CMTM4: variants seen among roughly 807,000 people sequenced by gnomAD.
CMTM4 encodes the protein CKLF-like MARVEL transmembrane domain-containing protein 4.
In CMTM4, 8 loss-of-function variants were observed where a neutral mutation model predicts 19.0. The ratio of observed to expected loss-of-function variants is 0.42; its 90% CI spans 0.25 to 0.76. The LOEUF (loss-of-function observed/expected upper bound fraction) is 0.76, where lower values mean the gene tolerates loss of function less well. Among genes scored for constraint, CMTM4 ranks in the 30% least tolerant of loss-of-function variants. CMTM4 has a pLI of 0.27. For missense variants in CMTM4, 228 were observed against 290.2 expected (o/e 0.79, Z 1.56); for synonymous variants, 106 against 121.1 (o/e 0.88, Z 0.82).
At chr16:66,673,733 T>C (rs987374722) in intron 1 of CMTM4, among the ~76,000 whole-genome samples, 1 of 152,224 alleles carries the variant, frequency 6.6e-6, no homozygotes, top group African/African-American at 2.4e-5. Flanking sequence ...AACACAGTAT[T>C]TTCCTCAGCC....
At chr16:66,683,146 T>TATATATATAC (rs1341520062) in intron 1 of CMTM4, among the ~76,000 whole-genome samples, 1 of 123,760 alleles carries the variant, frequency 8.1e-6, no homozygotes, top group African/African-American at 3.1e-5. Flanking sequence ...TATATATATA[T>TATATATATAC]GTATATATAT....
chr16:66,634,971 G>A (rs1405786387), intron 2 of CMTM4, among the ~76,000 whole-genome samples: 1 of 152,102 alleles, frequency 6.6e-6, no homozygotes, highest in East Asian at 1.9e-4. Flanking sequence ...CTCCCGCAGG[G>A]TTTCACAGCC....
At chr16:66,635,797 G>C (rs540852036) in intron 2 of CMTM4, among the ~76,000 whole-genome samples, 56 of 152,248 alleles carry the variant, frequency 3.7e-4, no homozygotes, top group African/African-American at 1.2e-3. Context: ...GCACAGTAAG[G>C]ACACAGTCTA....
At position 66,623,486 on chromosome 16, in the gene CMTM4, CCA is replaced by C; in HGVS notation, c.378_379del (p.Gly127ThrfsTer19). 6.2e-7 allele frequency: 1 copy of C among 1,611,008 alleles called. No individual in the cohort carries two copies. Among genetic ancestry groups the C allele is most frequent in the Non-Finnish European group, 8.5e-7 (1 of 1,178,446 alleles). On this transcript the variant is annotated frameshift_variant, in exon 3 of 4. Transcript: ENST00000394106. LOFTEE classifies it high-confidence loss of function. ...AATAAAGAAAAGGAAAGCGCTGAGTCCAGTGTTGACCAAATCCTAAAGGGAGA... is the reference window on the plus strand; with the variant it reads ...AATAAAGAAAAGGAAAGCGCTGAGTCGTGTTGACCAAATCCTAAAGGGAGA...
downstream of CMTM4, chr16:66,612,687 G>C: frequency 6.3e-7 from 1 of 1,593,900 alleles, no homozygotes; most frequent in Non-Finnish European, 8.6e-7. This position sits in a 1 kb window ranked among gnomAD's most constrained non-coding sequence, Gnocchi z 6.0. Flanking sequence ...CTCCACCCCT[G>C]CGCCTCACAG....
chr16:66,611,596 G>A (rs1448181364), downstream of CMTM4, among the ~76,000 whole-genome samples: 1 of 152,164 alleles, frequency 6.6e-6, no homozygotes, highest in Non-Finnish European at 1.5e-5. Context: ...AGCTCATGGG[G>A]ACTGACTGGG....
Position 66,619,553 on chromosome 16 carries a change from A to G in CMTM4, c.*2505T>C. ...CTTCAATTTGCCAAGAGGTCATTTT[A>G]AGGCCCCCAGATATCGATTGTCTTC... On this transcript the variant is annotated 3_prime_UTR_variant, in exon 4 of 4. Coordinates refer to ENST00000394106, the MANE Select transcript of CMTM4 (RefSeq NM_181521.3). 1.0e-6 allele frequency: 1 copy of G among 985,414 alleles called. No individual in the cohort carries two copies. The highest frequency in any genetic ancestry group is 1.7e-5 in the African/African-American group (1 of 57,350). 61.0% of individuals were successfully genotyped at this position (985,414 alleles called of 1,614,324 possible).
At chr16:66,691,841 T>C (rs530358165) in intron 1 of CMTM4, among the ~76,000 whole-genome samples, 35 of 152,266 alleles carry the variant, frequency 2.3e-4, no homozygotes, top group Non-Finnish European at 4.7e-4. Flanking sequence ...CTATCTTTAA[T>C]TCAAACACAT....
downstream of CMTM4, chr16:66,613,125 C>T (rs1027804555): frequency 1.4e-5 from 10 of 702,902 alleles, 1 homozygote; most frequent in South Asian, 1.3e-4. Flanking sequence ...TGACAATGAC[C>T]CTTCCAAGAA....
chr16:66,690,011 C>CA (rs1014393720), intron 1 of CMTM4, among the ~76,000 whole-genome samples: 23 of 152,002 alleles, frequency 1.5e-4, no homozygotes, highest in African/African-American at 5.3e-4. Flanking sequence ...TTTTAATCAT[C>CA]AAAAAAACTT....
Position 66,623,406 on chromosome 16 carries a change from C to T in CMTM4, c.460G>A (p.Val154Met), listed in dbSNP as rs374543889. The T allele has an allele frequency of 7.3e-5, 118 of 1,611,596 alleles. No individual in the cohort carries two copies. The highest frequency in any genetic ancestry group is 5.5e-4 in the African/African-American group (41 of 74,832). ...NHRAGAEIAA[V>M]IFGFLATAAY... ...TTTAACCATTTGAGTTTGCTTACCACGGCAGCAATTTCTGCTCCGGCTCTA... is the reference window on the plus strand; with the variant it reads ...TTTAACCATTTGAGTTTGCTTACCATGGCAGCAATTTCTGCTCCGGCTCTA... The change falls in exon 3 of 4, where the codon GTG (valine) becomes ATG (methionine). Residue 154 changes from valine to methionine, a missense_variant and splice_region_variant. This residue lies in a region of CMTM4 where 200 missense variants were observed against 226.6 expected (regional missense o/e 0.88). Transcript: ENST00000394106.
intron 1 of CMTM4, among the ~76,000 whole-genome samples, chr16:66,651,071 G>A (rs1311538892): frequency 6.6e-6 from 1 of 152,204 alleles, no homozygotes; most frequent in East Asian, 1.9e-4. Context: ...AAAAAGGCTA[G>A]TTGTTAACGG....
Position 66,623,323 on chromosome 16 carries a change from G to A in CMTM4, c.462+81C>T, listed in dbSNP as rs371048343. On this transcript the variant is annotated intron_variant, in intron 3 of 3. Transcript: ENST00000394106. ...GCAAAGAAAAGCCACAGGAGGGGGA[G>A]CAGGACACATGCCAGGGACAGGCGA... 28 of 968,274 alleles carry A rather than the reference G, an allele frequency of 2.9e-5. 1 individual carries two copies. In the Middle Eastern group the frequency reaches 1.1e-3, roughly 37 times the overall value. 60.0% of individuals were successfully genotyped at this position (968,274 alleles called of 1,614,324 possible). A position where few individuals can be genotyped will look rare whatever the true frequency, so the allele number is the denominator to read the frequency against.
chr16:66,636,351 T>A, intron 2 of CMTM4, 54 bp downstream of exon 2: 2 of 1,467,370 alleles, frequency 1.4e-6, no homozygotes, highest in Non-Finnish European at 1.9e-6. Flanking sequence ...AGCTTTTCCT[T>A]GGAGCCAACA....
At chr16:66,608,602 C>A in the CMTM4 span, 1 of 801,936 alleles carries the variant, frequency 1.2e-6, no homozygotes, top group East Asian at 2.7e-5. This position sits in a 1 kb window ranked among gnomAD's most constrained non-coding sequence, Gnocchi z 5.1. Context: ...ATGGAGAGAC[C>A]CAGCTTCAGA....
chr16:66,622,213 A>C lies in CMTM4; in HGVS notation c.472T>G (p.Phe158Val). 6.2e-7 allele frequency: 1 copy of C among 1,613,806 alleles called. No individual in the cohort carries two copies. Residue 158 changes from phenylalanine to valine, a missense_variant, in exon 4 of 4, where the codon TTC becomes GTC. Transcript: ENST00000394106. The surrounding 1 kb of genome is among the most constrained non-coding windows in gnomAD (Gnocchi z 4.0). ...GAEIAAVIFG[F>V]LATAAYAVNT... Reference sequence around the variant, plus strand: ...ACTGCATATGCCGCAGTCGCCAAGAAGCCAAATATCTAAAAACACACCAGC... The same window carrying C: ...ACTGCATATGCCGCAGTCGCCAAGACGCCAAATATCTAAAAACACACCAGC...
intron 1 of CMTM4, among the ~76,000 whole-genome samples, chr16:66,667,643 A>T (rs978059920): frequency 1.1e-4 from 16 of 152,210 alleles, no homozygotes; most frequent in Non-Finnish European, 2.4e-4. Flanking sequence ...TAACCCCGGC[A>T]CTTTGGGAGG....
intron 1 of CMTM4, among the ~76,000 whole-genome samples, chr16:66,652,807 A>C (rs355960): frequency 0.049 from 7,439 of 152,288 alleles, 297 homozygotes; most frequent in East Asian, 0.11. Context: ...TGATGATATA[A>C]CTGCACATGA....
At chr16:66,627,695 A>G (rs2015770133) in intron 2 of CMTM4, among the ~76,000 whole-genome samples, 1 of 152,174 alleles carries the variant, frequency 6.6e-6, no homozygotes. Context: ...TACAAATAGA[A>G]TGACATAACA....
Sources: allele counts gnomAD v4.1 joint callset (sites outside exome capture counted in the v4.1 genomes callset), GRCh38; gene constraint gnomAD v4.1.1; regional missense constraint gnomAD v4.1.1; non-coding constraint Gnocchi (gnomAD v3.1); transcripts MANE v1.5; gene names NCBI Gene and HGNC (gene_info 2026-07-23, HGNC 2026-07-21).